The following AKT3 variants were observed in gnomAD, a reference collection of about 807,000 sequenced individuals.
The protein encoded by AKT3 is RAC-gamma serine/threonine-protein kinase.
A neutral mutation model predicts 65.3 loss-of-function variants in AKT3; 15 were observed. The ratio of observed to expected loss-of-function variants is 0.23; its 90% CI spans 0.15 to 0.35. AKT3 has a LOEUF of 0.35. AKT3 is among the 10% of genes least tolerant of loss of function. The probability of loss-of-function intolerance (pLI) is 1.00; values close to 1 mark genes in which losing one functional copy is unlikely to be tolerated. For synonymous variants in AKT3, 206 were observed against 183.8 expected, an observed-to-expected ratio of 1.12 and a Z score of -0.98; for missense variants, 243 against 576.5, an observed-to-expected ratio of 0.42 and a Z score of 5.92.
intron 12 of AKT3, among the ~76,000 whole-genome samples, chr1:243,524,112 G>C (rs151260835): frequency 1.3e-5 from 2 of 152,190 alleles, no homozygotes; most frequent in Admixed American, 1.3e-4. Flanking sequence ...CAACACAATG[G>C]TAAGTATTTG....
At chr1:243,726,351 C>T (rs746089643) in intron 2 of AKT3, among the ~76,000 whole-genome samples, 3 of 151,918 alleles carry the variant, frequency 2.0e-5, no homozygotes, top group Non-Finnish European at 4.4e-5. Context: ...TGTTTTTTAA[C>T]GTGTGGGAAA....
At position 243,652,047 on chromosome 1, in the gene AKT3, C is replaced by CT. The variant is rs74162302; in HGVS notation, c.285-6011dup. Among the ~76,000 whole-genome samples, 100 of 135,936 alleles carry CT rather than the reference C, an allele frequency of 7.4e-4. 1 individual carries two copies. The highest frequency in any genetic ancestry group is 1.4e-3 in the South Asian group (6 of 4,170). The allele number at this position is 135,936 out of a possible 152,430, so 89.2% of individuals were successfully genotyped here. ...CTCAACATCCTTAGAGAAAAGAATT[C>CT]TTTTTTTTTTTTTTTTTCTGAGACG... On this transcript the variant is annotated intron_variant, in intron 4 of 13. Coordinates refer to ENST00000673466, the MANE Select transcript of AKT3 (RefSeq NM_005465.7).
intron 5 of AKT3, among the ~76,000 whole-genome samples, chr1:243,644,884 T>C (rs1236646976): frequency 6.6e-6 from 1 of 152,126 alleles, no homozygotes; most frequent in Non-Finnish European, 1.5e-5. Context: ...CAAGGCAGAT[T>C]AAATTGACGT....
intron 2 of AKT3, among the ~76,000 whole-genome samples, chr1:243,828,407 T>C (rs1044413571): frequency 2.6e-5 from 4 of 152,130 alleles, no homozygotes; most frequent in African/African-American, 9.7e-5. Context: ...CCCATCCTCT[T>C]AACCATTACA....
chr1:243,658,732 C>A (rs1234530240), intron 4 of AKT3, among the ~76,000 whole-genome samples: 1 of 152,018 alleles, frequency 6.6e-6, no homozygotes, highest in Non-Finnish European at 1.5e-5. Flanking sequence ...TATCCATCAG[C>A]AGATGAATGA....
At chr1:243,658,465 A>AT (rs1271769965) in intron 4 of AKT3, among the ~76,000 whole-genome samples, 1 of 152,208 alleles carries the variant, frequency 6.6e-6, no homozygotes, top group Non-Finnish European at 1.5e-5. Context: ...TAAAAAATAA[A>AT]TAAGTAAGTG....
intron 9 of AKT3, among the ~76,000 whole-genome samples, chr1:243,568,695 TAATACAATGC>T (rs1454776624): frequency 6.6e-6 from 1 of 152,224 alleles, no homozygotes. Flanking sequence ...TAGCTGTCTT[TAATACAATGC>T]TTCCCAACCT....
At chr1:243,633,021 C>G (rs1211428612) in intron 6 of AKT3, among the ~76,000 whole-genome samples, 1 of 152,136 alleles carries the variant, frequency 6.6e-6, no homozygotes, top group Non-Finnish European at 1.5e-5. Context: ...GCTTGCTTAT[C>G]ATCAAATACA....
At chr1:243,837,282 T>C (rs1476692658) in intron 2 of AKT3, among the ~76,000 whole-genome samples, 1 of 152,070 alleles carries the variant, frequency 6.6e-6, no homozygotes, top group African/African-American at 2.4e-5. Flanking sequence ...CAAGAGGAAA[T>C]AGAAAATATG....
chr1:243,831,462 G>T (rs1375151631), intron 2 of AKT3, among the ~76,000 whole-genome samples: 2 of 151,898 alleles, frequency 1.3e-5, no homozygotes, highest in Non-Finnish European at 2.9e-5. Context: ...AAAGACAGAG[G>T]GGAAAAAACA....
intron 12 of AKT3, among the ~76,000 whole-genome samples, chr1:243,544,111 C>T (rs1368207255): frequency 6.6e-6 from 1 of 151,912 alleles, no homozygotes; most frequent in African/African-American, 2.4e-5. Context: ...AATGGATGAA[C>T]TAAAAATAAT....
At chr1:243,764,374 C>T (rs373635335) in intron 2 of AKT3, among the ~76,000 whole-genome samples, 3 of 151,836 alleles carry the variant, frequency 2.0e-5, no homozygotes, top group South Asian at 2.1e-4. Flanking sequence ...ACATTTGTGC[C>T]GTGTATCAAA....
chr1:243,730,009 G>C (rs1333664340), intron 2 of AKT3, among the ~76,000 whole-genome samples: 1 of 152,182 alleles, frequency 6.6e-6, no homozygotes, highest in Non-Finnish European at 1.5e-5. Context: ...GATTGGGACA[G>C]GTCCCCAGTG....
chr1:243,495,184 C>T (rs1439620585), downstream of AKT3, among the ~76,000 whole-genome samples: 1 of 152,246 alleles, frequency 6.6e-6, no homozygotes, highest in Non-Finnish European at 1.5e-5. Flanking sequence ...ACAGGTGGCA[C>T]CGCAGAGCCA....
chr1:243,840,836 G>A (rs1224174719), intron 2 of AKT3, among the ~76,000 whole-genome samples: 1 of 151,918 alleles, frequency 6.6e-6, no homozygotes, highest in African/African-American at 2.4e-5. Flanking sequence ...AAGGAAGAAG[G>A]TAGGATCAGT....
chr1:243,616,583 G>A (rs1447186855), intron 6 of AKT3, among the ~76,000 whole-genome samples: 1 of 152,070 alleles, frequency 6.6e-6, no homozygotes, highest in African/African-American at 2.4e-5. Flanking sequence ...CTTCACTTCT[G>A]GCAAGATCTT....
At chr1:243,640,020 C>G (rs886632987) in intron 5 of AKT3, among the ~76,000 whole-genome samples, 35 of 152,102 alleles carry the variant, frequency 2.3e-4, no homozygotes, top group African/African-American at 8.5e-4. Flanking sequence ...TTAGAAATGC[C>G]TACGTTCACT....
chr1:243,594,692 G>T (rs1166365670), intron 8 of AKT3, among the ~76,000 whole-genome samples: 1 of 152,008 alleles, frequency 6.6e-6, no homozygotes, highest in Admixed American at 6.6e-5. Flanking sequence ...CAACCTCTTG[G>T]GCTCAAGCAA....
chr1:243,660,409 C>T (rs4612612), intron 4 of AKT3, among the ~76,000 whole-genome samples: 77,094 of 151,828 alleles, frequency 0.51, 23,315 homozygotes, highest in Non-Finnish European at 0.67. Context: ...GTTCAATATA[C>T]GCAAATCAAT....
Sources: allele counts gnomAD v4.1 joint callset (sites outside exome capture counted in the v4.1 genomes callset), GRCh38; gene constraint gnomAD v4.1.1; transcripts MANE v1.5; gene names NCBI Gene and HGNC (gene_info 2026-07-23, HGNC 2026-07-21).